The following OR56A3 variants were observed in gnomAD, a reference collection of about 807,000 sequenced individuals.
The protein encoded by OR56A3 is olfactory receptor 56A3.
In OR56A3, 23 loss-of-function variants were observed where a neutral mutation model predicts 17.5. That is an observed-to-expected ratio of 1.32 (90% CI 0.95 to 1.87). The LOEUF (loss-of-function observed/expected upper bound fraction) is 1.87, where lower values mean the gene tolerates loss of function less well. OR56A3 is among the 40% of genes most tolerant of loss of function. The pLI is 0.00. For synonymous variants in OR56A3, 175 were observed against 150.6 expected, an observed-to-expected ratio of 1.16 and a Z score of -1.19; for missense variants, 366 against 380.1, an observed-to-expected ratio of 0.96 and a Z score of 0.31.
chr11:5,948,388 C>T lies in OR56A3; in HGVS notation c.*94C>T, dbSNP rs1281871548. On this transcript the variant is annotated 3_prime_UTR_variant, in exon 3 of 3. Transcript: ENST00000641160. ...TGAAATTCATATCTGTGACTTATAA[C>T]CTCAAACTGGGTACACTAGATATTG... 1.1e-5 allele frequency: 9 copies of T among 808,414 alleles called. No homozygotes were observed. Among genetic ancestry groups the T allele is most frequent in the Admixed American group, 2.6e-5 (1 of 38,374 alleles). The allele number at this position is 808,414 out of a possible 1,614,324, so 50.1% of individuals were successfully genotyped here.
At chr11:5,953,996 C>T (rs10838980), downstream of OR56A3, among the ~76,000 whole-genome samples, 38,853 of 151,664 alleles carry the variant, frequency 0.26, 5,030 homozygotes, top group East Asian at 0.27. Context: ...CAGTCCTGGC[C>T]GCAAAGAGCT....
the OR56A3 span, chr11:5,968,361 T>C: frequency 3.7e-6 from 6 of 1,613,656 alleles, no homozygotes; most frequent in East Asian, 6.7e-5. Context: ...AAGGGTGGCA[T>C]TGGCCCCCAT....
chr11:5,968,413 G>T, the OR56A3 span: 3 of 1,609,790 alleles, frequency 1.9e-6, no homozygotes, highest in East Asian at 2.2e-5. Context: ...GACAGCCAGT[G>T]CTGCCAGCTC....
At chr11:5,999,567 G>A in the OR56A3 span, 3 of 152,090 alleles carry the variant, frequency 2.0e-5, no homozygotes, top group Non-Finnish European at 2.9e-5. Context: ...AATCCTAATG[G>A]TCTTCACTAT....
the OR56A3 span, among the ~76,000 whole-genome samples, chr11:5,996,567 T>C: frequency 6.6e-6 from 1 of 152,030 alleles, no homozygotes; most frequent in African/African-American, 2.4e-5. Context: ...ATTTCTAGAT[T>C]CCTCCAAATG....
At chr11:5,971,608 A>T in the OR56A3 span, among the ~76,000 whole-genome samples, 3 of 152,214 alleles carry the variant, frequency 2.0e-5, no homozygotes, top group Non-Finnish European at 4.4e-5. Flanking sequence ...GTAGAGAAAA[A>T]GCGGTTAGAT....
the OR56A3 span, chr11:5,967,655 G>T: frequency 6.2e-7 from 1 of 1,614,002 alleles, no homozygotes; most frequent in Admixed American, 1.7e-5. Context: ...GGTGCAGGAT[G>T]TTGAGCAGGA....
At position 5,950,501 on chromosome 11, in the gene OR56A3, A is replaced by C. The variant is rs1456594400; in HGVS notation, c.*2207A>C. On this transcript the variant is annotated 3_prime_UTR_variant, in exon 3 of 3. Coordinates refer to ENST00000641160, the MANE Select transcript of OR56A3 (RefSeq NM_001003443.3). Reference sequence around the variant, plus strand: ...TTTGAAAAACAAGGTGAACAAGTTAACTATGGTTTTATCTCACCAAAATAG... The same window carrying C: ...TTTGAAAAACAAGGTGAACAAGTTACCTATGGTTTTATCTCACCAAAATAG... The C allele has an allele frequency of 1.3e-5, 2 of 152,174 alleles. No individual in the cohort carries two copies. The highest frequency in any genetic ancestry group is 3.8e-4 in the East Asian group (2 of 5,206). The allele number at this position is 152,174 out of a possible 1,614,324, so 9.4% of individuals were successfully genotyped here. A position where few individuals can be genotyped will look rare whatever the true frequency, so the allele number is the denominator to read the frequency against.
the OR56A3 span, among the ~76,000 whole-genome samples, chr11:5,956,503 C>T: frequency 1.3e-5 from 2 of 152,264 alleles, no homozygotes; most frequent in East Asian, 3.9e-4. Context: ...TTCTGTTATA[C>T]AAGCAATGAA....
chr11:5,971,428 C>A, the OR56A3 span, among the ~76,000 whole-genome samples: 18 of 152,152 alleles, frequency 1.2e-4, no homozygotes, highest in Admixed American at 5.9e-4. Flanking sequence ...TCCCCATCTA[C>A]GATTGTGCTT....
chr11:5,967,881 A>G, the OR56A3 span: 5 of 1,580,642 alleles, frequency 3.2e-6, no homozygotes, highest in Admixed American at 1.8e-5. Context: ...GGTCCAACCT[A>G]TAACAAACTG....
At chr11:6,012,035 C>A in the OR56A3 span, among the ~76,000 whole-genome samples, 11 of 152,214 alleles carry the variant, frequency 7.2e-5, no homozygotes, top group African/African-American at 2.7e-4. Context: ...GCTCCCAGAT[C>A]TGGGCTCCCG....
intron 2 of OR56A3, among the ~76,000 whole-genome samples, chr11:5,945,870 A>G (rs1847866744): frequency 6.6e-6 from 1 of 152,244 alleles, no homozygotes; most frequent in African/African-American, 2.4e-5. Flanking sequence ...TTAGTGAGCC[A>G]AAGTGTGAGA....
At chr11:5,946,023 T>A (rs954728006) in intron 2 of OR56A3, among the ~76,000 whole-genome samples, 1 of 152,198 alleles carries the variant, frequency 6.6e-6, no homozygotes, top group African/African-American at 2.4e-5. Context: ...GACAGAAATA[T>A]GCACAATAAA....
chr11:5,995,133 G>A, the OR56A3 span: 2 of 576,644 alleles, frequency 3.5e-6, no homozygotes, highest in Admixed American at 2.5e-5. Context: ...AGTTGGTGGA[G>A]AAGGTGGAGT....
At chr11:6,017,729 T>C in the OR56A3 span, among the ~76,000 whole-genome samples, 2 of 152,182 alleles carry the variant, frequency 1.3e-5, no homozygotes, top group Non-Finnish European at 2.9e-5. Context: ...GTAATAACTT[T>C]TAATGTAAAC....
At chr11:5,975,314 A>C in the OR56A3 span, among the ~76,000 whole-genome samples, 1 of 150,298 alleles carries the variant, frequency 6.7e-6, no homozygotes, top group Non-Finnish European at 1.5e-5. Context: ...CCACTAACTC[A>C]TCATCTAGCA....
chr11:5,948,354 T>A lies in OR56A3; in HGVS notation c.*60T>A, dbSNP rs967750289. On this transcript the variant is annotated 3_prime_UTR_variant, in exon 3 of 3. Transcript: ENST00000641160. ...GATAATTTATTAATCACTTAATGAG[T>A]GAGTGGGCTGAAATTCATATCTGTG... 5.2e-5 allele frequency: 60 copies of A among 1,146,386 alleles called. No homozygotes were observed. The highest frequency in any genetic ancestry group is 2.0e-4 in the Middle Eastern group (1 of 5,028). The allele number at this position is 1,146,386 out of a possible 1,614,324, so 71.0% of individuals were successfully genotyped here.
At chr11:5,993,936 G>A in the OR56A3 span, 12 of 458,152 alleles carry the variant, frequency 2.6e-5, no homozygotes, top group African/African-American at 6.0e-5. Context: ...ACTCTGTGGC[G>A]GGTGGTAGTC....
Sources: allele counts gnomAD v4.1 joint callset (sites outside exome capture counted in the v4.1 genomes callset), GRCh38; gene constraint gnomAD v4.1.1; transcripts MANE v1.5; gene names NCBI Gene and HGNC (gene_info 2026-07-23, HGNC 2026-07-21).